Variants in CALN1 observed in about 807,000 individuals in gnomAD.
The protein encoded by CALN1 is calcium-binding protein 8.
CALN1 carries 17 observed loss-of-function variants against 30.6 expected under a neutral mutation model. That is an observed-to-expected ratio of 0.56 (90% CI 0.38 to 0.83). The LOEUF is 0.83. Among genes scored for constraint, CALN1 ranks in the 40% least tolerant of loss-of-function variants. The pLI is 0.00. For missense variants in CALN1, 291 were observed against 354.9 expected (o/e 0.82, Z 1.45); for synonymous variants, 156 against 131.4 (o/e 1.19, Z -1.28).
chr7:72,349,320 GTGTT>G (rs780616877), intron 2 of CALN1, among the ~76,000 whole-genome samples: 1 of 119,216 alleles, frequency 8.4e-6, no homozygotes, highest in South Asian at 2.8e-4. Context: ...GTGTGTGTGT[GTGTT>G]GGGAAGGTTA....
chr7:72,289,762 C>T (rs183436445), intron 2 of CALN1, among the ~76,000 whole-genome samples: 1 of 152,174 alleles, frequency 6.6e-6, no homozygotes, highest in African/African-American at 2.4e-5. Context: ...TGATTTTTCA[C>T]TTATTTCATT....
chr7:71,987,329 G>A (rs1465799823), intron 5 of CALN1, among the ~76,000 whole-genome samples: 1 of 152,228 alleles, frequency 6.6e-6, no homozygotes, highest in African/African-American at 2.4e-5. Flanking sequence ...CAGGACAGGG[G>A]CCCGTGTGCT....
chr7:72,088,942 A>G (rs1805670192), intron 4 of CALN1, among the ~76,000 whole-genome samples: 2 of 152,150 alleles, frequency 1.3e-5, no homozygotes, highest in Admixed American at 6.5e-5. Context: ...CTGAAAAATA[A>G]AATGAAATTT....
chr7:72,224,980 C>A (rs1306850831), intron 3 of CALN1, among the ~76,000 whole-genome samples: 1 of 151,872 alleles, frequency 6.6e-6, no homozygotes, highest in East Asian at 1.9e-4. Flanking sequence ...CACCTGTAGT[C>A]CCAGCTACTT....
At chr7:72,341,781 CTA>C (rs1802397007) in intron 2 of CALN1, among the ~76,000 whole-genome samples, 1 of 152,138 alleles carries the variant, frequency 6.6e-6, no homozygotes, top group South Asian at 2.1e-4. Flanking sequence ...TTAAATGTGA[CTA>C]TGTGAAATAG....
At chr7:71,998,156 T>C (rs927905591) in intron 5 of CALN1, among the ~76,000 whole-genome samples, 6 of 152,020 alleles carry the variant, frequency 3.9e-5, no homozygotes, top group Non-Finnish European at 7.4e-5. Context: ...GCAAAATTAT[T>C]CTCTAGAAAT....
chr7:72,368,100 G>A (rs767630913), intron 2 of CALN1, among the ~76,000 whole-genome samples: 5 of 151,858 alleles, frequency 3.3e-5, no homozygotes, highest in Admixed American at 2.6e-4. Context: ...CAGCATGGGC[G>A]ACAAAGCGAA....
intron 2 of CALN1, among the ~76,000 whole-genome samples, chr7:72,383,081 C>A (rs1346112452): frequency 6.6e-6 from 1 of 152,192 alleles, no homozygotes; most frequent in Non-Finnish European, 1.5e-5. Context: ...CCACCCTGCC[C>A]AGCCAGGATT....
intron 4 of CALN1, among the ~76,000 whole-genome samples, chr7:72,057,770 A>G (rs1411542896): frequency 2.6e-5 from 4 of 152,162 alleles, no homozygotes; most frequent in Non-Finnish European, 4.4e-5. Flanking sequence ...ATCTTACAGA[A>G]AGCCATAGAT....
chr7:71,831,890 A>AC (rs1282049071), intron 5 of CALN1, among the ~76,000 whole-genome samples: 1 of 149,918 alleles, frequency 6.7e-6, no homozygotes, highest in African/African-American at 2.4e-5. Flanking sequence ...AAAAAAAAAA[A>AC]AAAAAAACAA....
chr7:72,403,430 A>G lies in CALN1; in HGVS notation c.-61T>C, dbSNP rs747179423. ...AAGCTCATCAAAGGAACGTCAGCGA[A>G]GGCACTGAGACTCTGAAAGGAGTTG... On this transcript the variant is annotated 5_prime_UTR_variant, in exon 2 of 7. Coordinates refer to ENST00000395275, the MANE Select transcript of CALN1 (RefSeq NM_031468.4). 3 of 1,350,218 alleles carry G rather than the reference A, an allele frequency of 2.2e-6. No individual in the cohort carries two copies. Among genetic ancestry groups the G allele is most frequent in the Non-Finnish European group, 3.0e-6 (3 of 985,838 alleles). 83.6% of individuals were successfully genotyped at this position (1,350,218 alleles called of 1,614,324 possible).
chr7:72,371,115 T>C (rs913145265), intron 2 of CALN1, among the ~76,000 whole-genome samples: 1 of 152,068 alleles, frequency 6.6e-6, no homozygotes, highest in Non-Finnish European at 1.5e-5. Flanking sequence ...TTTGTTCTTA[T>C]TAATAATGCT....
At chr7:72,247,316 T>C (rs933183733) in intron 3 of CALN1, among the ~76,000 whole-genome samples, 2 of 139,674 alleles carry the variant, frequency 1.4e-5, no homozygotes, top group African/African-American at 5.5e-5. Context: ...TGGCGCGACG[T>C]TGGCTCACTG....
chr7:71,807,930 C>T (rs979050939), intron 6 of CALN1, among the ~76,000 whole-genome samples: 6 of 151,928 alleles, frequency 3.9e-5, no homozygotes, highest in Non-Finnish European at 8.8e-5. Context: ...GAAAATTAGC[C>T]GGGCATGGGG....
chr7:72,079,963 G>A (rs1805019398), intron 4 of CALN1, among the ~76,000 whole-genome samples: 1 of 151,776 alleles, frequency 6.6e-6, no homozygotes, highest in African/African-American at 2.4e-5. Context: ...TAGAGATGGG[G>A]TTTTGCCATG....
At chr7:72,283,389 G>C (rs117560273) in intron 2 of CALN1, among the ~76,000 whole-genome samples, 208 of 152,170 alleles carry the variant, frequency 1.4e-3, no homozygotes, top group Non-Finnish European at 2.3e-3. Context: ...AAAAAATTTA[G>C]CTGGGCATGG....
At chr7:72,351,562 G>A (rs1802917305) in intron 2 of CALN1, among the ~76,000 whole-genome samples, 1 of 152,110 alleles carries the variant, frequency 6.6e-6, no homozygotes, top group Non-Finnish European at 1.5e-5. Context: ...CAGCACAAAG[G>A]GAGTAAGGAA....
At chr7:72,283,618 T>C (rs1002128752) in intron 2 of CALN1, among the ~76,000 whole-genome samples, 4 of 152,172 alleles carry the variant, frequency 2.6e-5, no homozygotes, top group Non-Finnish European at 4.4e-5. Context: ...TTGCTAAGGA[T>C]CATATGAAGC....
intron 3 of CALN1, among the ~76,000 whole-genome samples, chr7:72,137,193 A>G (rs948041413): frequency 2.0e-5 from 3 of 152,100 alleles, no homozygotes; most frequent in Non-Finnish European, 2.9e-5. Context: ...AGGGGAGCCT[A>G]TCTCAGGGTT....
Sources: gnomAD v4.1 joint callset for allele counts (sites outside exome capture counted in the v4.1 genomes callset) on GRCh38, gnomAD v4.1.1 for gene constraint, MANE v1.5 for transcripts, NCBI Gene and HGNC (gene_info 2026-07-23, HGNC 2026-07-21) for gene names.